The following ZNF717 variants were observed in gnomAD, a reference collection of about 807,000 sequenced individuals.
ZNF717 encodes the protein krueppel-like factor X17.
A neutral mutation model predicts 13.8 loss-of-function variants in ZNF717; 9 were observed. That is an observed-to-expected ratio of 0.65 (90% CI 0.39 to 1.14). ZNF717 has a LOEUF of 1.14. Ranked by LOEUF, ZNF717 falls within the 50% of genes most tolerant of loss-of-function variation. The pLI is 0.01. For synonymous variants in ZNF717, 327 were observed against 364.1 expected, an observed-to-expected ratio of 0.90 and a Z score of 1.16; for missense variants, 1,040 against 1,080.7, an observed-to-expected ratio of 0.96 and a Z score of 0.53.
chr3:75,745,176 C>G (rs1473750042), intron 2 of ZNF717, among the ~76,000 whole-genome samples: 1 of 140,568 alleles, frequency 7.1e-6, no homozygotes, highest in Non-Finnish European at 1.5e-5. Flanking sequence ...TTCTTTCTGT[C>G]TTTTTAAAAT....
At chr3:75,720,840 G>A (rs1938153870) in intron 4 of ZNF717, among the ~76,000 whole-genome samples, 2 of 152,092 alleles carry the variant, frequency 1.3e-5, no homozygotes, top group Non-Finnish European at 2.9e-5. Context: ...AAAAAGAAAA[G>A]AAAATACTCA....
In ZNF717 at chr3:75,736,595, A is replaced by G. The variant is rs1238210630; in HGVS notation, c.*283T>C. On this transcript the variant is annotated 3_prime_UTR_variant, in exon 5 of 5. Coordinates refer to ENST00000652011, the MANE Select transcript of ZNF717 (RefSeq NM_001290208.3). ...AAAGGCCCTAACTCTCTTCAATTCT[A>G]TGGAGGAGAAGAGAGGTGAGGAAGT... 3 of 364,906 alleles carry G rather than the reference A, an allele frequency of 8.2e-6. No individual in the cohort carries two copies. Among genetic ancestry groups the G allele is most frequent in the Non-Finnish European group, 1.4e-5 (3 of 220,394 alleles). The allele number at this position is 364,906 out of a possible 1,614,324, so 22.6% of individuals were successfully genotyped here. A position where few individuals can be genotyped will look rare whatever the true frequency, so the allele number is the denominator to read the frequency against.
At chr3:75,728,832 T>C (rs1351752903), downstream of ZNF717, among the ~76,000 whole-genome samples, 2 of 152,256 alleles carry the variant, frequency 1.3e-5, no homozygotes, top group African/African-American at 4.8e-5. Context: ...GATACAGTCA[T>C]TCATGCCTTT....
chr3:75,742,122 G>A (rs1297748093), intron 2 of ZNF717, among the ~76,000 whole-genome samples: 9 of 152,064 alleles, frequency 5.9e-5, no homozygotes, highest in African/African-American at 1.9e-4. Context: ...CTTATTGCTA[G>A]GGATAAAAGT....
chr3:75,739,020 C>T lies in ZNF717; in HGVS notation c.603G>A (p.Lys201=). ...RHHEHLTQHH[K]IQTLLQTFQC... Reference sequence around the variant, plus strand: ...GAAAAGTCTGCAGCAGAGTTTGAATCTTGTGATGCTGAGTAAGATGTTCAT... The same window carrying T: ...GAAAAGTCTGCAGCAGAGTTTGAATTTTGTGATGCTGAGTAAGATGTTCAT... The change falls in exon 5 of 5, where the codon AAG becomes AAA. Residue 201 remains lysine (K), a synonymous_variant. Transcript: ENST00000652011. The T allele has an allele frequency of 6.4e-7, 1 of 1,551,572 alleles. No homozygotes were observed. Among genetic ancestry groups the T allele is most frequent in the Non-Finnish European group, 8.7e-7 (1 of 1,146,926 alleles).
At chr3:75,713,875 G>T (rs1332002224) in intron 5 of ZNF717, among the ~76,000 whole-genome samples, 2 of 152,118 alleles carry the variant, frequency 1.3e-5, no homozygotes, top group Non-Finnish European at 2.9e-5. Context: ...GCAGGGTAAG[G>T]AGTGTGAGCC....
intron 1 of ZNF717, 21 bp from the exon 2 acceptor site, chr3:75,783,385 C>G (rs1375248404): frequency 1.3e-6 from 2 of 1,547,286 alleles, no homozygotes; most frequent in Non-Finnish European, 1.7e-6. Flanking sequence ...AGGCAAATGA[C>G]GTGAATTAAG....
intron 2 of ZNF717, among the ~76,000 whole-genome samples, chr3:75,760,163 G>T (rs1348615368): frequency 2.6e-5 from 4 of 152,130 alleles, no homozygotes; most frequent in African/African-American, 7.2e-5. Flanking sequence ...ACGGTAGCTG[G>T]GATTACAGGC....
intron 4 of ZNF717, among the ~76,000 whole-genome samples, chr3:75,739,990 A>T (rs2107156228): frequency 6.6e-6 from 1 of 152,356 alleles, no homozygotes; most frequent in Admixed American, 6.5e-5. Flanking sequence ...GCTTCCCAGA[A>T]CCATAATAGG....
chr3:75,776,531 A>G (rs570721024), intron 2 of ZNF717, among the ~76,000 whole-genome samples: 3 of 152,276 alleles, frequency 2.0e-5, no homozygotes, highest in African/African-American at 7.2e-5. Flanking sequence ...TTCACTGAGG[A>G]CAGCGAACCC....
At chr3:75,744,186 T>C (rs1940848788) in intron 2 of ZNF717, among the ~76,000 whole-genome samples, 1 of 152,246 alleles carries the variant, frequency 6.6e-6, no homozygotes, top group African/African-American at 2.4e-5. Flanking sequence ...TCTACTAATA[T>C]AATTCATCAT....
At chr3:75,773,465 G>A (rs1944052052) in intron 2 of ZNF717, among the ~76,000 whole-genome samples, 1 of 152,216 alleles carries the variant, frequency 6.6e-6, no homozygotes, top group Non-Finnish European at 1.5e-5. Context: ...TTAATATGCA[G>A]AAGCTTCTAA....
chr3:75,714,267 G>T (rs113671969), intron 5 of ZNF717, among the ~76,000 whole-genome samples: 1 of 151,900 alleles, frequency 6.6e-6, no homozygotes, highest in Admixed American at 6.6e-5. Flanking sequence ...TAAGTAGTGG[G>T]TGCTTTTCCT....
At chr3:75,727,584 C>T (rs1447774798), downstream of ZNF717, among the ~76,000 whole-genome samples, 19 of 152,194 alleles carry the variant, frequency 1.2e-4, no homozygotes, top group Non-Finnish European at 2.6e-4. Flanking sequence ...GAAATACACC[C>T]TGGTCTCCTG....
At chr3:75,783,447 A>G (rs1474751836) in intron 1 of ZNF717, 83 bp from the exon 2 acceptor site, 1 of 1,099,190 alleles carries the variant, frequency 9.1e-7, no homozygotes, top group African/African-American at 1.6e-5. Context: ...CACTCTAGAC[A>G]CATTACCTGG....
At chr3:75,724,448 C>G (rs1821926) in intron 4 of ZNF717, among the ~76,000 whole-genome samples, 126,882 of 151,924 alleles carry the variant, frequency 0.84, 52,931 homozygotes, top group East Asian at 0.89. Context: ...TCATCATGTT[C>G]CTCCAACTGG....
At chr3:75,740,116 C>T (rs79149067) in intron 4 of ZNF717, among the ~76,000 whole-genome samples, 10 of 152,140 alleles carry the variant, frequency 6.6e-5, no homozygotes, top group East Asian at 1.9e-4. Context: ...GATCCACAGC[C>T]GTGCCCCTCT....
chr3:75,753,962 C>T (rs76340355), intron 2 of ZNF717, among the ~76,000 whole-genome samples: 27 of 126,150 alleles, frequency 2.1e-4, no homozygotes, highest in African/African-American at 7.0e-4. Flanking sequence ...GACACGGCTA[C>T]GAGGGTCTGA....
intron 6 of ZNF717, among the ~76,000 whole-genome samples, chr3:75,703,958 A>G (rs1362733013): frequency 6.6e-6 from 1 of 152,306 alleles, no homozygotes; most frequent in East Asian, 1.9e-4. Flanking sequence ...TGGCCATACA[A>G]GACATCTTCC....
Sources: gnomAD v4.1 joint callset for allele counts (sites outside exome capture counted in the v4.1 genomes callset) on GRCh38, gnomAD v4.1.1 for gene constraint, MANE v1.5 for transcripts, NCBI Gene and HGNC (gene_info 2026-07-23, HGNC 2026-07-21) for gene names.